Variants in TPTE2 observed in about 807,000 individuals in gnomAD.
The protein encoded by TPTE2 is phosphatidylinositol 3,4,5-trisphosphate 3-phosphatase TPTE2.
TPTE2 carries 53 observed loss-of-function variants against 78.6 expected under a neutral mutation model. That is an observed-to-expected ratio of 0.67 (90% CI 0.54 to 0.85). The LOEUF is 0.85. Among genes scored for constraint, TPTE2 ranks in the 40% least tolerant of loss-of-function variants. The probability of loss-of-function intolerance (pLI) is 0.00; values close to 1 mark genes in which losing one functional copy is unlikely to be tolerated. For missense variants in TPTE2, 461 were observed against 623.0 expected (o/e 0.74, Z 2.77); for synonymous variants, 175 against 206.2 (o/e 0.85, Z 1.30).
chr13:19,468,978 T>A (rs1879448918), intron 6 of TPTE2, among the ~76,000 whole-genome samples: 4 of 152,228 alleles, frequency 2.6e-5, no homozygotes, highest in Admixed American at 2.6e-4. Context: ...GGCTGCCTCT[T>A]CACTTTGCTA....
upstream of TPTE2, among the ~76,000 whole-genome samples, chr13:19,538,674 C>T (rs553005505): frequency 2.2e-4 from 34 of 151,898 alleles, no homozygotes; most frequent in African/African-American, 8.0e-4. Context: ...GATTACCACA[C>T]CTGGCAAATT....
At chr13:19,472,946 T>G (rs1352233517) in intron 6 of TPTE2, among the ~76,000 whole-genome samples, 1 of 152,252 alleles carries the variant, frequency 6.6e-6, no homozygotes, top group Non-Finnish European at 1.5e-5. Context: ...CTGTGGTTCT[T>G]GCAGACTTAT....
intron 13 of TPTE2, among the ~76,000 whole-genome samples, chr13:19,442,846 G>A (rs890655292): frequency 6.6e-6 from 1 of 152,076 alleles, no homozygotes; most frequent in Non-Finnish European, 1.5e-5. Flanking sequence ...ACCAAAATGG[G>A]CAAAAGAAAT....
chr13:19,441,725 AT>A (rs1245446063), intron 13 of TPTE2, among the ~76,000 whole-genome samples: 10 of 152,152 alleles, frequency 6.6e-5, no homozygotes, highest in South Asian at 2.1e-4. Context: ...TATTGACAGC[AT>A]TTTCTTTAAA....
chr13:19,498,451 C>T (rs139227554), intron 1 of TPTE2, among the ~76,000 whole-genome samples: 5,054 of 152,236 alleles, frequency 0.033, 131 homozygotes, highest in Admixed American at 0.058. Context: ...GCAGATCTCT[C>T]GGCAGAAACC....
chr13:19,503,092 G>T, intron 1 of TPTE2, 132 bp downstream of exon 4: 1 of 1,313,734 alleles, frequency 7.6e-7, no homozygotes, highest in Non-Finnish European at 1.1e-6. Flanking sequence ...TAGTGGATGT[G>T]TTTGGGAGAA....
chr13:19,439,243 G>T lies in TPTE2; in HGVS notation c.974-1090C>A, dbSNP rs61439898. 7.9e-5 allele frequency among the ~76,000 whole-genome samples: 12 copies of T among 152,142 alleles called. No individual in the cohort carries two copies. The East Asian group carries it at 2.3e-3, about 29-fold the overall frequency. On this transcript the variant is annotated intron_variant, in intron 13 of 19. Transcript: ENST00000400230. ...AACAAGGATCAAGTACACAGCCAGC[G>T]GCACTGGCAACAGCCAGCTCTTACC...
At chr13:19,454,847 C>G (rs1428178481) in intron 10 of TPTE2, among the ~76,000 whole-genome samples, 1 of 152,162 alleles carries the variant, frequency 6.6e-6, no homozygotes, top group Non-Finnish European at 1.5e-5. Flanking sequence ...ACCAAATCTA[C>G]TAAAAGAAAA....
At chr13:19,471,393 T>C (rs184320990) in intron 6 of TPTE2, among the ~76,000 whole-genome samples, 34 of 152,314 alleles carry the variant, frequency 2.2e-4, no homozygotes, top group African/African-American at 7.7e-4. Context: ...GGTAATTTTC[T>C]CTGGTGATAT....
intron 3 of TPTE2, among the ~76,000 whole-genome samples, chr13:19,488,995 T>C (rs2137630013): frequency 6.6e-6 from 1 of 152,228 alleles, no homozygotes; most frequent in Middle Eastern, 3.4e-3. Flanking sequence ...CATAGGCTTA[T>C]TAAATGGCCT....
chr13:19,508,563 C>A (rs1247272563), intron 1 of TPTE2, among the ~76,000 whole-genome samples: 3 of 151,976 alleles, frequency 2.0e-5, no homozygotes, highest in Non-Finnish European at 4.4e-5. Context: ...AGTTTGGATA[C>A]ATGTGAAAAG....
chr13:19,493,389 G>T, intron 2 of TPTE2, 59 bp downstream of exon 5: 1 of 1,491,898 alleles, frequency 6.7e-7, no homozygotes, highest in Non-Finnish European at 9.4e-7. Context: ...CTGTGTGTGT[G>T]TATAGTTCTA....
intron 9 of TPTE2, 40 bp from the exon 13 acceptor site, chr13:19,464,560 G>A (rs770652243): frequency 6.3e-7 from 1 of 1,584,046 alleles, no homozygotes; most frequent in African/African-American, 1.4e-5. Context: ...CATTATTATA[G>A]ATTTCATATA....
intron 1 of TPTE2, among the ~76,000 whole-genome samples, chr13:19,528,411 A>G (rs567230246): frequency 1.3e-5 from 2 of 152,004 alleles, no homozygotes; most frequent in African/African-American, 2.4e-5. Flanking sequence ...GCCTATTTAT[A>G]TACTTATTTA....
intron 19 of TPTE2, among the ~76,000 whole-genome samples, chr13:19,424,129 G>A (rs1483635312): frequency 1.3e-5 from 2 of 152,142 alleles, no homozygotes; most frequent in African/African-American, 4.8e-5. Flanking sequence ...GATTAGGACT[G>A]GATGTAACAA....
At chr13:19,462,776 C>T (rs1427376362) in intron 10 of TPTE2, among the ~76,000 whole-genome samples, 3 of 152,058 alleles carry the variant, frequency 2.0e-5, no homozygotes, top group South Asian at 2.1e-4. Flanking sequence ...AACTCCTGGC[C>T]TCAAGTGATC....
At chr13:19,441,177 A>T (rs1031224375) in intron 13 of TPTE2, among the ~76,000 whole-genome samples, 2 of 152,148 alleles carry the variant, frequency 1.3e-5, no homozygotes, top group African/African-American at 4.8e-5. Flanking sequence ...CAAAAAACCA[A>T]ATACCGTATG....
At chr13:19,513,327 A>G (rs1335332340) in intron 1 of TPTE2, among the ~76,000 whole-genome samples, 7 of 152,222 alleles carry the variant, frequency 4.6e-5, no homozygotes, top group African/African-American at 1.7e-4. Context: ...GGTAAATATG[A>G]CTTAGCTTAC....
Position 19,486,693 on chromosome 13 carries a change from A to G in TPTE2, c.120-4146T>C, listed in dbSNP as rs1279181653. On this transcript the variant is annotated intron_variant, in intron 3 of 19. Coordinates refer to ENST00000400230, the Ensembl canonical transcript of TPTE2. The surrounding 1 kb of genome is among the most constrained non-coding windows in gnomAD (Gnocchi z 4.3). ...GGGGAAACTCATGGGCCAAATATAC[A>G]GCTGCATAGCTCCTAAGCTGGACTG... Among the ~76,000 whole-genome samples the G allele has an allele frequency of 6.6e-6, 1 of 152,182 alleles. No individual in the cohort carries two copies. Among genetic ancestry groups the G allele is most frequent in the Non-Finnish European group, 1.5e-5 (1 of 68,040 alleles).
Sources: allele counts gnomAD v4.1 joint callset (sites outside exome capture counted in the v4.1 genomes callset), GRCh38; gene constraint gnomAD v4.1.1; non-coding constraint Gnocchi (gnomAD v3.1); transcripts MANE v1.5; gene names NCBI Gene and HGNC (gene_info 2026-07-23, HGNC 2026-07-21).